BCAS3: variants seen among roughly 807,000 people sequenced by gnomAD.
The protein encoded by BCAS3 is BCAS3 microtubule associated cell migration factor.
In BCAS3, 53 loss-of-function variants were observed where a neutral mutation model predicts 116.1. That is an observed-to-expected ratio of 0.46 (90% CI 0.37 to 0.57). BCAS3 has a LOEUF of 0.57. Ranked by LOEUF, BCAS3 falls within the 20% of genes least tolerant of loss-of-function variation. BCAS3 has a pLI of 0.00. For missense variants in BCAS3, 917 were observed against 1,165.4 expected (o/e 0.79, Z 3.10); for synonymous variants, 391 against 408.2 (o/e 0.96, Z 0.51).
chr17:61,015,944 G>A (rs780595592), intron 16 of BCAS3, 43 bp downstream of exon 16: 1 of 1,547,566 alleles, frequency 6.5e-7, no homozygotes, highest in Non-Finnish European at 8.8e-7. Context: ...CTGTTTTATA[G>A]GGTTGAATGA....
chr17:61,094,729 A>C (rs2073856174), intron 22 of BCAS3, among the ~76,000 whole-genome samples: 1 of 152,310 alleles, frequency 6.6e-6, no homozygotes, highest in African/African-American at 2.4e-5. Context: ...TTGTAAGCCC[A>C]GCTACTTGGG....
rs182341964 is a variant in BCAS3 at position 61,012,312 on chromosome 17, G to T, written c.1487-3439G>T. 1.7e-3 allele frequency among the ~76,000 whole-genome samples: 258 copies of T among 152,152 alleles called. 1 individual carries two copies. Among genetic ancestry groups the T allele is most frequent in the African/African-American group, 5.9e-3 (246 of 41,550 alleles). On this transcript the variant is annotated intron_variant, in intron 15 of 23. Transcript: ENST00000407086. This position sits in a 1 kb window ranked among gnomAD's most constrained non-coding sequence, Gnocchi z 4.5. ...AGATTGAGTGGAACTTTTGCTTGGC[G>T]CAGTATGCATCTTTGTTAATGTCTT...
chr17:60,793,847 G>T (rs1328140675), intron 6 of BCAS3, among the ~76,000 whole-genome samples: 2 of 152,106 alleles, frequency 1.3e-5, no homozygotes, highest in Non-Finnish European at 2.9e-5. Flanking sequence ...TTTTGCAATT[G>T]TGAACTGTGC....
chr17:61,329,786 G>A (rs745541328), intron 22 of BCAS3, among the ~76,000 whole-genome samples: 1 of 82,838 alleles, frequency 1.2e-5, no homozygotes, highest in East Asian at 4.8e-4. Context: ...GTTCGTCCTC[G>A]GCGCTCACCT....
chr17:61,388,657 G>T lies in BCAS3; in HGVS notation c.2594-3320G>T. 6.5e-7 allele frequency: 1 copy of T among 1,545,584 alleles called. No individual in the cohort carries two copies. Among genetic ancestry groups the T allele is most frequent in the South Asian group, 1.2e-5 (1 of 84,400 alleles). ...AAAAAAAAACAATGCCAACAGCCCAGCGTCCGTGAGCAACCCAACAGTAAC... is the reference window on the plus strand; with the variant it reads ...AAAAAAAAACAATGCCAACAGCCCATCGTCCGTGAGCAACCCAACAGTAAC... On this transcript the variant is annotated intron_variant, in intron 23 of 23. Transcript: ENST00000407086. The surrounding 1 kb of genome is among the most constrained non-coding windows in gnomAD (Gnocchi z 6.5).
intron 22 of BCAS3, among the ~76,000 whole-genome samples, chr17:61,091,467 G>GGACACTT (rs2143592942): frequency 6.6e-6 from 1 of 152,336 alleles, no homozygotes; most frequent in South Asian, 2.1e-4. Context: ...TTAGTGACAT[G>GGACACTT]AGTGTCAAAA....
intron 13 of BCAS3, among the ~76,000 whole-genome samples, chr17:60,936,444 A>C (rs908699363): frequency 3.3e-5 from 5 of 152,132 alleles, no homozygotes; most frequent in African/African-American, 1.2e-4. Flanking sequence ...ACTGACTTCC[A>C]CAATGGTTGA....
chr17:60,962,190 G>A lies in BCAS3; in HGVS notation c.1221+14838G>A, dbSNP rs2061443933. 6.6e-6 allele frequency among the ~76,000 whole-genome samples: 1 copy of A among 152,078 alleles called. No homozygotes were observed. The highest frequency in any genetic ancestry group is 2.4e-5 in the African/African-American group (1 of 41,470). On this transcript the variant is annotated intron_variant, in intron 14 of 23. Transcript: ENST00000407086. This position sits in a 1 kb window ranked among gnomAD's most constrained non-coding sequence, Gnocchi z 4.4. ...AGATGCATTGATTTTCTTTCTTTTG[G>A]CTATATACCTGGTAGCAGAATTGCT... is the stretch of plus-strand genomic sequence containing the variant.
chr17:61,357,711 G>A (rs2058232912), intron 22 of BCAS3, among the ~76,000 whole-genome samples: 1 of 148,722 alleles, frequency 6.7e-6, no homozygotes, highest in African/African-American at 2.4e-5. Context: ...CAAAGTACTG[G>A]GATTACAGGC....
intron 22 of BCAS3, among the ~76,000 whole-genome samples, chr17:61,255,927 C>G (rs2048742047): frequency 6.6e-6 from 1 of 152,172 alleles, no homozygotes; most frequent in Admixed American, 6.5e-5. Context: ...GAGATTTGCT[C>G]CTAGACTTTA....
intron 5 of BCAS3, among the ~76,000 whole-genome samples, chr17:60,714,206 A>G (rs962132318): frequency 6.6e-6 from 1 of 152,154 alleles, no homozygotes; most frequent in Non-Finnish European, 1.5e-5. Flanking sequence ...GGCCTCAGGC[A>G]GTCCTCCTGC....
Position 60,868,286 on chromosome 17 carries a change from A to C in BCAS3, c.477-290A>C, listed in dbSNP as rs1348064548. On this transcript the variant is annotated intron_variant, in intron 7 of 23. Transcript: ENST00000407086. ...GTGATCCACCTGCCTCGGCCTCCCA[A>C]AGTGCTGGGATTACAGGTGTGAGTA... Among the ~76,000 whole-genome samples, 5 of 152,080 alleles carry C rather than the reference A, an allele frequency of 3.3e-5. No homozygotes were observed. In the East Asian group the frequency reaches 9.6e-4, roughly 29 times the overall value.
intron 22 of BCAS3, among the ~76,000 whole-genome samples, chr17:61,099,196 G>A (rs992162887): frequency 2.0e-5 from 3 of 152,088 alleles, no homozygotes; most frequent in Admixed American, 6.5e-5. Context: ...TAGAACAGAG[G>A]GGGAAAAATG....
intron 22 of BCAS3, among the ~76,000 whole-genome samples, chr17:61,096,549 C>T (rs2073986230): frequency 6.6e-6 from 1 of 152,164 alleles, no homozygotes; most frequent in African/African-American, 2.4e-5. Context: ...AGAGGGGAAA[C>T]CCTGTCTCAA....
rs568535252 is a variant in BCAS3 at position 61,391,966 on chromosome 17, G to C, written c.2594-11G>C. 7 of 1,612,906 alleles carry C rather than the reference G, an allele frequency of 4.3e-6. No individual in the cohort carries two copies. The highest frequency in any genetic ancestry group is 1.1e-5 in the South Asian group (1 of 91,016). Reference sequence around the variant, plus strand: ...CTCTAACCAGGCCTGGCCCTCTCCTGTGTCTTGCAGAACTTCAGCGAGAGG... The same window carrying C: ...CTCTAACCAGGCCTGGCCCTCTCCTCTGTCTTGCAGAACTTCAGCGAGAGG... On this transcript the variant is annotated splice_polypyrimidine_tract_variant and intron_variant, in intron 23 of 23. Coordinates refer to ENST00000407086, the MANE Select transcript of BCAS3 (RefSeq NM_017679.5). The surrounding 1 kb of genome is among the most constrained non-coding windows in gnomAD (Gnocchi z 7.7).
At position 61,344,165 on chromosome 17, in the gene BCAS3, A is replaced by C. The variant is rs879528487; in HGVS notation, c.2426-24162A>C. Among the ~76,000 whole-genome samples the C allele has an allele frequency of 9.9e-5, 15 of 152,152 alleles. No homozygotes were observed. The highest frequency in any genetic ancestry group is 4.1e-4 in the South Asian group (2 of 4,820). On this transcript the variant is annotated intron_variant, in intron 22 of 23. Coordinates refer to ENST00000407086, the MANE Select transcript of BCAS3 (RefSeq NM_017679.5). The surrounding 1 kb of genome is among the most constrained non-coding windows in gnomAD (Gnocchi z 4.1). ...TGAGTCTAAGAGAGGCTTCACTGATACCCATAAGGAGGCGGAATATGCAAA... is the reference window on the plus strand; with the variant it reads ...TGAGTCTAAGAGAGGCTTCACTGATCCCCATAAGGAGGCGGAATATGCAAA...
chr17:60,800,660 C>T (rs2047691765), intron 6 of BCAS3, among the ~76,000 whole-genome samples: 1 of 152,042 alleles, frequency 6.6e-6, no homozygotes, highest in African/African-American at 2.4e-5. Context: ...TTGTGTGGGA[C>T]TTCATCAAAC....
chr17:61,388,835 G>C lies in BCAS3; in HGVS notation c.2594-3142G>C. 1 of 937,020 alleles carries C rather than the reference G, an allele frequency of 1.1e-6. No homozygotes were observed. The highest frequency in any genetic ancestry group is 1.6e-6 in the Non-Finnish European group (1 of 634,296). The allele number at this position is 937,020 out of a possible 1,614,324, so 58.0% of individuals were successfully genotyped here. On this transcript the variant is annotated intron_variant, in intron 23 of 23. Transcript: ENST00000407086. The surrounding 1 kb of genome is among the most constrained non-coding windows in gnomAD (Gnocchi z 6.5). ...CACACACCCCTGCCTGCAGGGGGAGGAGCAGAAGGGGTCTGAGAGGAGGCG... is the reference window on the plus strand; with the variant it reads ...CACACACCCCTGCCTGCAGGGGGAGCAGCAGAAGGGGTCTGAGAGGAGGCG...
At chr17:60,731,437 T>C (rs2040445083) in intron 5 of BCAS3, among the ~76,000 whole-genome samples, 1 of 152,262 alleles carries the variant, frequency 6.6e-6, no homozygotes, top group East Asian at 1.9e-4. Flanking sequence ...GGTCTCAAAC[T>C]CCTGACCTCA....
Sources: gnomAD v4.1 joint callset for allele counts (sites outside exome capture counted in the v4.1 genomes callset) on GRCh38, gnomAD v4.1.1 for gene constraint, Gnocchi (gnomAD v3.1) non-coding constraint, MANE v1.5 for transcripts, NCBI Gene and HGNC (gene_info 2026-07-23, HGNC 2026-07-21) for gene names.